The following ABCA8 variants were observed in gnomAD, a reference collection of about 807,000 sequenced individuals.
ABCA8 encodes the protein ATP binding cassette subfamily A member 8.
ABCA8 carries 177 observed loss-of-function variants against 192.3 expected under a neutral mutation model. That is an observed-to-expected ratio of 0.92 (90% CI 0.81 to 1.04). The LOEUF is 1.04. Ranked by LOEUF, ABCA8 falls within the 50% of genes least tolerant of loss-of-function variation. ABCA8 has a pLI of 0.00. For synonymous variants in ABCA8, 642 were observed against 690.2 expected, an observed-to-expected ratio of 0.93 and a Z score of 1.09; for missense variants, 1,915 against 1,904.8, an observed-to-expected ratio of 1.01 and a Z score of -0.10.
chr17:68,927,863 T>C, intron 10 of ABCA8, 53 bp downstream of exon 10: 1 of 1,333,290 alleles, frequency 7.5e-7, no homozygotes, highest in Non-Finnish European at 1.0e-6. Context: ...AGATTTGTTT[T>C]CAGAAATAAA....
At chr17:68,893,940 T>C (rs2066682274) in intron 23 of ABCA8, 1 of 314,210 alleles carries the variant, frequency 3.2e-6, no homozygotes, top group African/African-American at 2.5e-5. Flanking sequence ...CCTGTGTCCA[T>C]GTGATCTCAT....
chr17:68,942,724 A>T (rs2068267018), intron 2 of ABCA8, among the ~76,000 whole-genome samples: 1 of 152,094 alleles, frequency 6.6e-6, no homozygotes, highest in Non-Finnish European at 1.5e-5. Context: ...CCAATTGTCA[A>T]TACCTTATCT....
chr17:68,954,134 C>T (rs1183673500), intron 1 of ABCA8, among the ~76,000 whole-genome samples: 1 of 151,368 alleles, frequency 6.6e-6, no homozygotes, highest in Non-Finnish European at 1.5e-5. Flanking sequence ...GCGCTGCACC[C>T]ACTAACTCGT....
chr17:68,937,035 T>C lies in ABCA8; in HGVS notation c.382A>G (p.Thr128Ala), dbSNP rs756241292. The C allele has an allele frequency of 6.2e-7, 1 of 1,611,000 alleles. No homozygotes were observed. The highest frequency in any genetic ancestry group is 8.5e-7 in the Non-Finnish European group (1 of 1,178,666). ...TGATATGAGTATGTATTAGTAAAGGTGACTCTTACTATTTCTTCAGGATAA... is the reference window on the plus strand; with the variant it reads ...TGATATGAGTATGTATTAGTAAAGGCGACTCTTACTATTTCTTCAGGATAA... Reference protein sequence around the residue: ...ANYPEEIVRVTFTNTYSYHLK... With the variant: ...ANYPEEIVRVAFTNTYSYHLK... The change falls in exon 5 of 40, where the codon ACC becomes GCC. Residue 128 changes from threonine to alanine, a missense_variant. Thr to Ala is a moderately conservative substitution (Grantham distance 58, BLOSUM62 0). Transcript: ENST00000586539.
intron 21 of ABCA8, among the ~76,000 whole-genome samples, chr17:68,898,334 T>G (rs2066819243): frequency 6.6e-6 from 1 of 152,128 alleles, no homozygotes; most frequent in African/African-American, 2.4e-5. Context: ...GTAGCAAAAC[T>G]GTACTTTTAT....
intron 1 of ABCA8, among the ~76,000 whole-genome samples, chr17:68,950,950 G>A (rs2068551418): frequency 6.6e-6 from 1 of 152,136 alleles, no homozygotes; most frequent in Non-Finnish European, 1.5e-5. Context: ...AGCCTCCCGA[G>A]ACCTTGAGTG....
At chr17:68,947,869 A>G (rs1344247860) in intron 2 of ABCA8, among the ~76,000 whole-genome samples, 2 of 151,998 alleles carry the variant, frequency 1.3e-5, no homozygotes, top group Non-Finnish European at 2.9e-5. Context: ...CGCATTAGGT[A>G]TTTGTTCTAA....
rs149423411 is a variant in ABCA8 at position 68,940,642 on chromosome 17, A to T, written c.301+116T>A. 794 of 910,224 alleles carry T rather than the reference A, an allele frequency of 8.7e-4. 6 individuals are homozygous for T. The African/African-American group carries it at 0.011, about 13-fold the overall frequency. 56.4% of individuals were successfully genotyped at this position (910,224 alleles called of 1,614,324 possible). A position where few individuals can be genotyped will look rare whatever the true frequency, so the allele number is the denominator to read the frequency against. ...TAAAGGGAAGACACATTCCCAATTCATGTACTCCAGAAAGTTTAATTATCA... is the reference window on the plus strand; with the variant it reads ...TAAAGGGAAGACACATTCCCAATTCTTGTACTCCAGAAAGTTTAATTATCA... On this transcript the variant is annotated intron_variant, in intron 4 of 39. Coordinates refer to ENST00000586539, the MANE Select transcript of ABCA8 (RefSeq NM_001288985.2).
intron 17 of ABCA8, among the ~76,000 whole-genome samples, chr17:68,913,739 T>C (rs1567855255): frequency 6.6e-6 from 1 of 151,986 alleles, no homozygotes; most frequent in Non-Finnish European, 1.5e-5. Flanking sequence ...AAAGCCATAA[T>C]AAAAAGTCTT....
At chr17:68,870,122 TC>T (rs1338248467) in intron 37 of ABCA8, among the ~76,000 whole-genome samples, 5 of 152,136 alleles carry the variant, frequency 3.3e-5, no homozygotes, top group Non-Finnish European at 5.9e-5. Context: ...CAGATTGTTG[TC>T]CAAAACAACT....
At chr17:68,954,758 A>G (rs1260353443) in intron 1 of ABCA8, among the ~76,000 whole-genome samples, 1 of 152,316 alleles carries the variant, frequency 6.6e-6, no homozygotes, top group East Asian at 1.9e-4. Flanking sequence ...AACAATAAAA[A>G]TATTTCTGTA....
rs2066326942 is a variant in ABCA8, at chr17:68,881,195, T to C, written c.3963A>G (p.Leu1321=). Residue 1321 remains leucine (L), a synonymous_variant, in exon 32 of 40, where the codon TTA becomes TTG. Transcript: ENST00000586539. ...FCVRKGEVLG[L]LGHNGAGKST... Reference sequence around the variant, plus strand: ...TTTTACCAGCTCCATTGTGTCCTAATAATCCTAAAACTTCACCTGAAAAAA... The same window carrying C: ...TTTTACCAGCTCCATTGTGTCCTAACAATCCTAAAACTTCACCTGAAAAAA... 1.9e-6 allele frequency: 3 copies of C among 1,613,562 alleles called. No homozygotes were observed. Among genetic ancestry groups the C allele is most frequent in the African/African-American group, 2.7e-5 (2 of 75,048 alleles).
chr17:68,927,132 T>C (rs1377043578), intron 10 of ABCA8, among the ~76,000 whole-genome samples: 1 of 151,928 alleles, frequency 6.6e-6, no homozygotes, highest in African/African-American at 2.4e-5. Flanking sequence ...GTGGCACACA[T>C]CTGTAATCCC....
At chr17:68,900,484 A>G (rs1175554230) in intron 21 of ABCA8, among the ~76,000 whole-genome samples, 3 of 150,460 alleles carry the variant, frequency 2.0e-5, no homozygotes, top group African/African-American at 7.3e-5. Context: ...CCAGATAGCT[A>G]CACTAGTACA....
At chr17:68,903,235 A>G (rs1402115667) in intron 20 of ABCA8, 66 bp downstream of exon 20, 1 of 1,555,466 alleles carries the variant, frequency 6.4e-7, no homozygotes, top group Non-Finnish European at 8.8e-7. Context: ...GCTTGCCTTT[A>G]TACCTTAGAT....
At chr17:68,901,768 ACTGGTCTCC>A (rs1181383271) in intron 21 of ABCA8, among the ~76,000 whole-genome samples, 3 of 150,320 alleles carry the variant, frequency 2.0e-5, no homozygotes, top group African/African-American at 7.4e-5. Flanking sequence ...AAATTGTGCC[ACTGGTCTCC>A]AGCCTGGTGA....
rs11655684 is a variant in ABCA8 at position 68,951,113 on chromosome 17, G to A, written c.-166-1641C>T. On this transcript the variant is annotated intron_variant, in intron 1 of 39. Transcript: ENST00000586539. ...ATACCATCAAGCCTATCCAAGATCA[G>A]CAGTTTCTTAGGAACCACTGCAGAC... Among the ~76,000 whole-genome samples the A allele has an allele frequency of 9.9e-5, 15 of 152,014 alleles. No homozygotes were observed. The South Asian group carries it at 3.1e-3, about 32-fold the overall frequency.
At position 68,887,899 on chromosome 17, in the gene ABCA8, T is replaced by TCC. The variant is rs1291552004; in HGVS notation, c.3145-394_3145-393insGG. On this transcript the variant is annotated intron_variant, in intron 24 of 39. Coordinates refer to ENST00000586539, the MANE Select transcript of ABCA8 (RefSeq NM_001288985.2). ...TCTCCTCCATATATATATATATATATATATATATCCATATATATATATATA... is the reference window on the plus strand; with the variant it reads ...TCTCCTCCATATATATATATATATATCCATATATATCCATATATATATATATA... Among the ~76,000 whole-genome samples the TCC allele has an allele frequency of 1.0e-3, 60 of 57,170 alleles. 1 individual carries two copies. Among genetic ancestry groups the TCC allele is most frequent in the South Asian group, 2.0e-3 (3 of 1,484 alleles). 37.5% of individuals were successfully genotyped at this position (57,170 alleles called of 152,430 possible). A position where few individuals can be genotyped will look rare whatever the true frequency, so the allele number is the denominator to read the frequency against.
chr17:68,947,895 T>C (rs2068456151), intron 2 of ABCA8, among the ~76,000 whole-genome samples: 1 of 152,114 alleles, frequency 6.6e-6, no homozygotes. Flanking sequence ...TTCATCCCCT[T>C]GCCCTCTACC....
Sources: allele counts gnomAD v4.1 joint callset (sites outside exome capture counted in the v4.1 genomes callset), GRCh38; gene constraint gnomAD v4.1.1; transcripts MANE v1.5; gene names NCBI Gene and HGNC (gene_info 2026-07-23, HGNC 2026-07-21).